The following SORCS1 variants were observed in gnomAD, a reference collection of about 807,000 sequenced individuals.
The protein encoded by SORCS1 is VPS10 domain-containing receptor SorCS1.
Under a neutral mutation model 146.1 loss-of-function variants are expected in SORCS1, and 60 were observed. The ratio of observed to expected loss-of-function variants is 0.41; its 90% CI spans 0.33 to 0.51. SORCS1 has a LOEUF of 0.51. Among genes scored for constraint, SORCS1 ranks in the 20% least tolerant of loss-of-function variants. The pLI is 0.21. For synonymous variants in SORCS1, 637 were observed against 584.0 expected, an observed-to-expected ratio of 1.09 and a Z score of -1.31; for missense variants, 1,352 against 1,487.6, an observed-to-expected ratio of 0.91 and a Z score of 1.50.
intron 19 of SORCS1, among the ~76,000 whole-genome samples, chr10:106,627,287 G>A (rs1848169561): frequency 6.6e-6 from 1 of 152,160 alleles, no homozygotes; most frequent in Non-Finnish European, 1.5e-5. Context: ...GCTGATACTG[G>A]CTTTTAAATC....
intron 2 of SORCS1, among the ~76,000 whole-genome samples, chr10:106,856,965 T>G (rs1589565299): frequency 6.6e-6 from 1 of 152,352 alleles, no homozygotes; most frequent in Admixed American, 6.5e-5. Flanking sequence ...TTTCTTTAGC[T>G]TTTAACTTGC....
At chr10:106,908,351 G>A (rs1323386462) in intron 2 of SORCS1, among the ~76,000 whole-genome samples, 3 of 152,190 alleles carry the variant, frequency 2.0e-5, no homozygotes, top group Non-Finnish European at 4.4e-5. Flanking sequence ...GAAGTTTCAT[G>A]AGCACACCAT....
intron 19 of SORCS1, among the ~76,000 whole-genome samples, chr10:106,626,498 C>T (rs1307622528): frequency 6.6e-6 from 1 of 152,180 alleles, no homozygotes; most frequent in Non-Finnish European, 1.5e-5. Context: ...CATATCATGG[C>T]ACTTTGGCAT....
intron 1 of SORCS1, among the ~76,000 whole-genome samples, chr10:107,057,038 G>T (rs1485928178): frequency 1.3e-5 from 2 of 152,210 alleles, no homozygotes; most frequent in South Asian, 4.1e-4. Context: ...ATCCTCAATT[G>T]CTTGACCACT....
rs114962990 is a variant in SORCS1, at chr10:107,017,285, G to A, written c.559-60705C>T. Among the ~76,000 whole-genome samples the A allele has an allele frequency of 5.4e-3, 818 of 152,132 alleles. 12 individuals are homozygous for A. Among genetic ancestry groups the A allele is most frequent in the African/African-American group, 0.019 (770 of 41,484 alleles). On this transcript the variant is annotated intron_variant, in intron 1 of 25. Transcript: ENST00000263054. ...CCATGAAACTGATAAATTAACTCTG[G>A]AATATTTATACAATAGAAATTATAA... is the stretch of plus-strand genomic sequence containing the variant.
intron 1 of SORCS1, among the ~76,000 whole-genome samples, chr10:107,159,233 G>A (rs1033040473): frequency 2.0e-5 from 3 of 152,142 alleles, no homozygotes; most frequent in Non-Finnish European, 4.4e-5. Flanking sequence ...CAGGTCAAGG[G>A]TATAGGTCAT....
At chr10:106,692,814 A>G (rs1853398532) in intron 9 of SORCS1, among the ~76,000 whole-genome samples, 1 of 152,178 alleles carries the variant, frequency 6.6e-6, no homozygotes, top group Admixed American at 6.5e-5. Context: ...GTCACAGTCA[A>G]AACACAATCA....
chr10:107,005,325 C>A (rs1329435799), intron 1 of SORCS1, among the ~76,000 whole-genome samples: 2 of 128,024 alleles, frequency 1.6e-5, no homozygotes, highest in Non-Finnish European at 1.6e-5. Context: ...GACTTTGTCT[C>A]TTTCGGGGGC....
chr10:106,730,217 T>C, intron 5 of SORCS1, 103 bp from the exon 6 acceptor site: 1 of 999,850 alleles, frequency 1.0e-6, no homozygotes, highest in Non-Finnish European at 1.6e-6. Context: ...TCCACAGGCA[T>C]CTAAACCCAC....
chr10:106,785,637 G>A (rs1369693622), intron 3 of SORCS1, among the ~76,000 whole-genome samples: 1 of 152,126 alleles, frequency 6.6e-6, no homozygotes, highest in Admixed American at 6.6e-5. Context: ...GGGTGTACTG[G>A]GGAAGATTAA....
At chr10:106,866,949 T>C (rs187303512) in intron 2 of SORCS1, among the ~76,000 whole-genome samples, 1 of 152,314 alleles carries the variant, frequency 6.6e-6, no homozygotes, top group East Asian at 1.9e-4. Context: ...GAGTGTCATA[T>C]GTCCTACAAG....
intron 5 of SORCS1, among the ~76,000 whole-genome samples, chr10:106,751,315 T>C (rs1269682320): frequency 6.6e-6 from 1 of 152,128 alleles, no homozygotes; most frequent in Non-Finnish European, 1.5e-5. Flanking sequence ...TACAGGATTC[T>C]ACTCAGAGGG....
At chr10:107,143,100 T>C in intron 1 of SORCS1, among the ~76,000 whole-genome samples, 1 of 152,174 alleles carries the variant, frequency 6.6e-6, no homozygotes, top group East Asian at 1.9e-4. Context: ...AAAGTAGGTG[T>C]AAAAATCACA....
intron 2 of SORCS1, among the ~76,000 whole-genome samples, chr10:106,926,691 C>T (rs922961706): frequency 6.6e-6 from 1 of 151,922 alleles, no homozygotes; most frequent in African/African-American, 2.4e-5. Flanking sequence ...ACAAATATAG[C>T]AGGTTTTTAC....
At chr10:106,953,098 T>A (rs1416208772) in intron 2 of SORCS1, among the ~76,000 whole-genome samples, 1 of 151,958 alleles carries the variant, frequency 6.6e-6, no homozygotes. Flanking sequence ...GGCAAATGAC[T>A]ATTAGGCGTA....
intron 2 of SORCS1, among the ~76,000 whole-genome samples, chr10:106,899,290 G>A (rs1004921): frequency 0.34 from 51,022 of 152,052 alleles, 9,187 homozygotes; most frequent in Non-Finnish European, 0.41. Context: ...GGCAAGAAAA[G>A]TAAAACATTC....
At chr10:107,016,453 T>G (rs192969866) in intron 1 of SORCS1, among the ~76,000 whole-genome samples, 33 of 152,018 alleles carry the variant, frequency 2.2e-4, no homozygotes, top group African/African-American at 8.0e-4. Flanking sequence ...TGCAGTGAGA[T>G]GAGATTGTGC....
At chr10:106,948,653 TAA>T (rs58567205) in intron 2 of SORCS1, among the ~76,000 whole-genome samples, 2,022 of 140,864 alleles carry the variant, frequency 0.014, 64 homozygotes, top group African/African-American at 0.049. Flanking sequence ...CCCTGTTTCT[TAA>T]AAAAAAAAAA....
chr10:106,645,091 A>G lies in SORCS1; in HGVS notation c.2475+7291T>C, dbSNP rs148306108. ...GTATCTACACTCCAAATAGCATTAT[A>G]TGAATGACCAGATGCTCCACATACT... On this transcript the variant is annotated intron_variant, in intron 18 of 25. Coordinates refer to ENST00000263054, the MANE Select transcript of SORCS1 (RefSeq NM_052918.5). Among the ~76,000 whole-genome samples the G allele has an allele frequency of 2.0e-5, 3 of 152,162 alleles. No homozygotes were observed. In the East Asian group the frequency reaches 5.8e-4, roughly 29 times the overall value.
Sources: allele counts gnomAD v4.1 joint callset (sites outside exome capture counted in the v4.1 genomes callset), GRCh38; gene constraint gnomAD v4.1.1; transcripts MANE v1.5; gene names NCBI Gene and HGNC (gene_info 2026-07-23, HGNC 2026-07-21).